The following GRM7 variants were observed in gnomAD, a reference collection of about 807,000 sequenced individuals.
GRM7 encodes metabotropic glutamate receptor 7.
In GRM7, 35 loss-of-function variants were observed where a neutral mutation model predicts 84.5. That is an observed-to-expected ratio of 0.41 (90% CI 0.32 to 0.55). The LOEUF is 0.55. Ranked by LOEUF, GRM7 falls within the 20% of genes least tolerant of loss-of-function variation. GRM7 has a pLI of 0.19. For synonymous variants in GRM7, 487 were observed against 455.1 expected (o/e 1.07, Z -0.89); for missense variants, 1,003 against 1,194.6 (o/e 0.84, Z 2.36).
intron 1 of GRM7, among the ~76,000 whole-genome samples, chr3:6,871,772 A>G (rs1458877511): frequency 6.6e-6 from 1 of 152,190 alleles, no homozygotes; most frequent in Non-Finnish European, 1.5e-5. Flanking sequence ...CACATTTTAT[A>G]TCAACACACA....
chr3:7,034,491 G>C (rs1265195177), intron 1 of GRM7, among the ~76,000 whole-genome samples: 1 of 151,996 alleles, frequency 6.6e-6, no homozygotes, highest in African/African-American at 2.4e-5. Context: ...GCTACCTTAA[G>C]ATAAAGCAAT....
At chr3:7,124,955 T>C (rs1365816796) in intron 1 of GRM7, among the ~76,000 whole-genome samples, 1 of 152,184 alleles carries the variant, frequency 6.6e-6, no homozygotes, top group African/African-American at 2.4e-5. Flanking sequence ...TCTTTTCTTT[T>C]TGAGGCAGAG....
intron 9 of GRM7, among the ~76,000 whole-genome samples, chr3:7,702,157 T>C (rs111441990): frequency 2.0e-3 from 308 of 152,264 alleles, no homozygotes; most frequent in Non-Finnish European, 3.3e-3. Flanking sequence ...ACTGAGTAAA[T>C]AATTGTGGGC....
intron 7 of GRM7, among the ~76,000 whole-genome samples, chr3:7,493,631 C>G (rs573028228): frequency 6.6e-6 from 1 of 151,988 alleles, no homozygotes; most frequent in South Asian, 2.1e-4. Flanking sequence ...ATCCATTTTA[C>G]TAAGCTCTGT....
chr3:7,741,334 C>G lies in GRM7; in HGVS notation c.*928C>G, dbSNP rs1702689219. On this transcript the variant is annotated 3_prime_UTR_variant, in exon 10 of 10. Coordinates refer to ENST00000357716, the MANE Select transcript of GRM7 (RefSeq NM_000844.4). ...TTTGTTCATGCCCCCTTTGACTGAT[C>G]AGTGTGATAAGGACTTTAGGAAAAA... 6.6e-6 allele frequency: 1 copy of G among 152,308 alleles called. No homozygotes were observed. The highest frequency in any genetic ancestry group is 1.9e-4 in the East Asian group (1 of 5,168). 9.4% of individuals were successfully genotyped at this position (152,308 alleles called of 1,614,324 possible). A position where few individuals can be genotyped will look rare whatever the true frequency, so the allele number is the denominator to read the frequency against.
intron 1 of GRM7, among the ~76,000 whole-genome samples, chr3:6,995,162 G>T (rs1331550262): frequency 6.6e-6 from 1 of 152,126 alleles, no homozygotes; most frequent in Non-Finnish European, 1.5e-5. Context: ...ATCTATTTTT[G>T]TCACGAGACA....
chr3:7,722,836 C>G (rs1017121623), intron 9 of GRM7, among the ~76,000 whole-genome samples: 1 of 152,082 alleles, frequency 6.6e-6, no homozygotes, highest in Non-Finnish European at 1.5e-5. Context: ...GTCACCCAGG[C>G]TGGAGTGCAG....
rs190381760 is a variant in GRM7, at chr3:7,352,988, G to A, written c.1033+46336G>A. Among the ~76,000 whole-genome samples the A allele has an allele frequency of 2.4e-3, 368 of 152,214 alleles. 7 individuals carry two copies. Among genetic ancestry groups the A allele is most frequent in the Non-Finnish European group, 3.3e-3 (221 of 67,998 alleles). ...CCAGCCAATGGCTTGATAAGGACTT[G>A]TGTCTGATTTTCAGAAATTTCCATC... is the stretch of plus-strand genomic sequence containing the variant. On this transcript the variant is annotated intron_variant, in intron 4 of 9. Transcript: ENST00000357716.
chr3:6,946,068 A>G (rs909867070), intron 1 of GRM7, among the ~76,000 whole-genome samples: 1 of 151,988 alleles, frequency 6.6e-6, no homozygotes, highest in Non-Finnish European at 1.5e-5. Context: ...GTTTAATTAG[A>G]TCCCATTTGT....
intron 5 of GRM7, among the ~76,000 whole-genome samples, chr3:7,425,508 A>G (rs1216604014): frequency 1.3e-5 from 2 of 152,208 alleles, no homozygotes; most frequent in African/African-American, 2.4e-5. Context: ...TTGTTAAAGC[A>G]GATGGTGGAG....
At chr3:7,336,279 T>C (rs1701417715) in intron 4 of GRM7, among the ~76,000 whole-genome samples, 1 of 151,710 alleles carries the variant, frequency 6.6e-6, no homozygotes, top group Non-Finnish European at 1.5e-5. Context: ...ATAAACAGAA[T>C]TAAAAACAAA....
At chr3:6,998,591 C>G (rs1211664340) in intron 1 of GRM7, among the ~76,000 whole-genome samples, 2 of 152,248 alleles carry the variant, frequency 1.3e-5, no homozygotes, top group African/African-American at 4.8e-5. Context: ...TAAGTTCTCC[C>G]TGAGGGCTCT....
intron 9 of GRM7, among the ~76,000 whole-genome samples, chr3:7,708,642 G>A (rs1007155957): frequency 6.6e-6 from 1 of 152,118 alleles, no homozygotes; most frequent in African/African-American, 2.4e-5. Context: ...GAGCAAAGGA[G>A]TTTTCCAGGA....
intron 1 of GRM7, among the ~76,000 whole-genome samples, chr3:6,954,037 G>A (rs544577940): frequency 5.3e-5 from 8 of 150,198 alleles, no homozygotes; most frequent in South Asian, 2.1e-4. Context: ...AGTTAAGCTC[G>A]TATTGTTTTC....
At chr3:7,606,833 CA>C (rs1346182759) in intron 8 of GRM7, 1 of 152,120 alleles carries the variant, frequency 6.6e-6, no homozygotes, top group Non-Finnish European at 1.5e-5. Context: ...CTGCACCCGG[CA>C]TTGTTTTCTT....
At chr3:7,028,305 G>A (rs547776940) in intron 1 of GRM7, among the ~76,000 whole-genome samples, 28 of 152,060 alleles carry the variant, frequency 1.8e-4, no homozygotes, top group Non-Finnish European at 8.8e-5. Context: ...TAAATACCTC[G>A]CTTTGCACAT....
intron 7 of GRM7, among the ~76,000 whole-genome samples, chr3:7,574,112 T>G (rs574766663): frequency 6.6e-6 from 1 of 152,070 alleles, no homozygotes; most frequent in East Asian, 1.9e-4. Flanking sequence ...ATTTTATTTT[T>G]ATTATTTTTT....
chr3:6,999,997 C>T (rs1351945318), intron 1 of GRM7, among the ~76,000 whole-genome samples: 1 of 151,990 alleles, frequency 6.6e-6, no homozygotes, highest in Non-Finnish European at 1.5e-5. Flanking sequence ...AGATTTAGAA[C>T]ATAATATGTA....
chr3:7,358,427 G>A (rs1020676831), intron 4 of GRM7, among the ~76,000 whole-genome samples: 5 of 125,810 alleles, frequency 4.0e-5, no homozygotes, highest in African/African-American at 1.4e-4. Context: ...AAACGGTCAT[G>A]TGAACCAGAA....
Sources: allele counts gnomAD v4.1 joint callset (sites outside exome capture counted in the v4.1 genomes callset), GRCh38; gene constraint gnomAD v4.1.1; transcripts MANE v1.5; gene names NCBI Gene and HGNC (gene_info 2026-07-23, HGNC 2026-07-21).